AUTS2: variants seen among roughly 807,000 people sequenced by gnomAD.
AUTS2 encodes the protein autism susceptibility gene 2 protein.
Under a neutral mutation model 112.4 loss-of-function variants are expected in AUTS2, and 17 were observed. That is an observed-to-expected ratio of 0.15 (90% CI 0.10 to 0.23). The LOEUF (loss-of-function observed/expected upper bound fraction) is 0.23, where lower values mean the gene tolerates loss of function less well. AUTS2 is among the 10% of genes least tolerant of loss of function. The probability of loss-of-function intolerance (pLI) is 1.00; values close to 1 mark genes in which losing one functional copy is unlikely to be tolerated. For synonymous variants in AUTS2, 751 were observed against 702.7 expected, an observed-to-expected ratio of 1.07 and a Z score of -1.09; for missense variants, 1,510 against 1,701.6, an observed-to-expected ratio of 0.89 and a Z score of 1.98.
intron 4 of AUTS2, among the ~76,000 whole-genome samples, chr7:70,397,388 A>G (rs1585098174): frequency 6.6e-6 from 1 of 152,022 alleles, no homozygotes; most frequent in South Asian, 2.1e-4. Flanking sequence ...TCTAATACAC[A>G]TGCACTAGTG....
Position 70,663,177 on chromosome 7 carries a change from T to C in AUTS2, c.691-35392T>C, listed in dbSNP as rs541768636. 5.9e-5 allele frequency among the ~76,000 whole-genome samples: 9 copies of C among 152,232 alleles called. No individual in the cohort carries two copies. The South Asian group carries it at 1.7e-3, about 28-fold the overall frequency. ...TGGGAGGCCGAGGCAGGCGGATCAC[T>C]TGAGGCCAGGAGTTTGAGACCAGCC... On this transcript the variant is annotated intron_variant, in intron 5 of 18. Transcript: ENST00000342771.
intron 4 of AUTS2, among the ~76,000 whole-genome samples, chr7:70,245,090 A>G (rs1812828261): frequency 6.9e-6 from 1 of 145,736 alleles, no homozygotes; most frequent in African/African-American, 2.6e-5. Context: ...ACTGCACTCC[A>G]GCCTGGGTGA....
At chr7:70,772,106 C>T (rs1000096948) in intron 11 of AUTS2, among the ~76,000 whole-genome samples, 1 of 152,138 alleles carries the variant, frequency 6.6e-6, no homozygotes, top group Non-Finnish European at 1.5e-5. Flanking sequence ...TTCTCATTCT[C>T]CCTCATTTCC....
chr7:70,076,659 A>G (rs979379125), intron 2 of AUTS2, among the ~76,000 whole-genome samples: 11 of 152,214 alleles, frequency 7.2e-5, no homozygotes, highest in Admixed American at 5.9e-4. Context: ...AAATGTGTGG[A>G]TAGCCTGATG....
At chr7:69,683,470 CTT>C (rs909900318) in intron 1 of AUTS2, among the ~76,000 whole-genome samples, 3 of 152,256 alleles carry the variant, frequency 2.0e-5, no homozygotes, top group African/African-American at 7.2e-5. Context: ...ACCGAGGACT[CTT>C]TTACCCTCTC....
chr7:69,735,129 A>C (rs1786970952), intron 1 of AUTS2, among the ~76,000 whole-genome samples: 1 of 152,206 alleles, frequency 6.6e-6, no homozygotes, highest in South Asian at 2.1e-4. Flanking sequence ...CAGTCTGATT[A>C]TGTGAGATGT....
At chr7:70,616,280 A>G (rs1003530366) in intron 5 of AUTS2, among the ~76,000 whole-genome samples, 1 of 152,182 alleles carries the variant, frequency 6.6e-6, no homozygotes, top group Non-Finnish European at 1.5e-5. Flanking sequence ...TGCAGTTGGG[A>G]AGCATGCTCA....
chr7:69,675,643 A>G lies in AUTS2; in HGVS notation c.309+75681A>G, dbSNP rs563197418. Among the ~76,000 whole-genome samples, 8 of 151,030 alleles carry G rather than the reference A, an allele frequency of 5.3e-5. No homozygotes were observed. In the East Asian group the frequency reaches 1.4e-3, roughly 26 times the overall value. On this transcript the variant is annotated intron_variant, in intron 1 of 18. Coordinates refer to ENST00000342771, the MANE Select transcript of AUTS2 (RefSeq NM_015570.4). The stretch of plus-strand genomic sequence containing the variant: ...TGCCTTAGCCTCCCAAGAAACTGGG[A>G]TTACAGGTGTGCGCCACCACACCTG...
chr7:70,050,875 G>C (rs1801720404), intron 2 of AUTS2, among the ~76,000 whole-genome samples: 1 of 152,118 alleles, frequency 6.6e-6, no homozygotes, highest in Non-Finnish European at 1.5e-5. Context: ...TGCTCCTGTA[G>C]TCCCAGCTAC....
intron 2 of AUTS2, among the ~76,000 whole-genome samples, chr7:70,100,801 G>A (rs1265656942): frequency 6.6e-6 from 1 of 152,176 alleles, no homozygotes; most frequent in Non-Finnish European, 1.5e-5. Context: ...ATAGGAATAT[G>A]AGGTGTGGAA....
chr7:70,318,743 C>T (rs1490060576), intron 4 of AUTS2, among the ~76,000 whole-genome samples: 1 of 152,150 alleles, frequency 6.6e-6, no homozygotes, highest in Non-Finnish European at 1.5e-5. Flanking sequence ...CCAAGAATTT[C>T]AGAAGGCACT....
chr7:70,590,267 C>T (rs1178780183), intron 5 of AUTS2, among the ~76,000 whole-genome samples: 2 of 152,008 alleles, frequency 1.3e-5, no homozygotes, highest in Admixed American at 6.6e-5. Context: ...TGACAACCTG[C>T]GAGGAGAGAA....
intron 2 of AUTS2, among the ~76,000 whole-genome samples, chr7:70,051,819 A>T (rs575159148): frequency 1.3e-5 from 2 of 152,344 alleles, no homozygotes; most frequent in South Asian, 4.1e-4. Flanking sequence ...GGAGTAGTTT[A>T]ATACTACTTT....
At chr7:70,661,449 G>A (rs994131268) in intron 5 of AUTS2, among the ~76,000 whole-genome samples, 1 of 152,186 alleles carries the variant, frequency 6.6e-6, no homozygotes, top group African/African-American at 2.4e-5. Flanking sequence ...CAGGGTGGGA[G>A]GAGGGTGGCA....
chr7:70,327,592 C>G (rs1790550175), intron 4 of AUTS2, among the ~76,000 whole-genome samples: 2 of 152,100 alleles, frequency 1.3e-5, no homozygotes, highest in Non-Finnish European at 2.9e-5. Context: ...ACCTCTGATT[C>G]TTTATTTGAC....
At chr7:69,646,545 GCAAATATGGTTATAC>G (rs1795028521) in intron 1 of AUTS2, among the ~76,000 whole-genome samples, 1 of 152,178 alleles carries the variant, frequency 6.6e-6, no homozygotes, top group Non-Finnish European at 1.5e-5. Context: ...TTAGCTCTTT[GCAAATATGGTTATAC>G]CAAACCAGGC....
At chr7:70,378,986 T>A (rs1186985911) in intron 4 of AUTS2, among the ~76,000 whole-genome samples, 1 of 152,196 alleles carries the variant, frequency 6.6e-6, no homozygotes, top group Non-Finnish European at 1.5e-5. Context: ...CATATGCCAT[T>A]TTATTCGTAT....
intron 6 of AUTS2, among the ~76,000 whole-genome samples, chr7:70,749,237 G>T (rs775131454): frequency 1.3e-5 from 2 of 152,148 alleles, no homozygotes; most frequent in Non-Finnish European, 2.9e-5. Context: ...AGAAGGATCC[G>T]CAGCCTTATG....
intron 1 of AUTS2, among the ~76,000 whole-genome samples, chr7:69,857,852 A>G (rs1239619759): frequency 1.3e-5 from 2 of 152,104 alleles, no homozygotes; most frequent in Non-Finnish European, 2.9e-5. Flanking sequence ...TTGGTGATGA[A>G]TAACACCTGT....
Sources: allele counts gnomAD v4.1 joint callset (sites outside exome capture counted in the v4.1 genomes callset), GRCh38; gene constraint gnomAD v4.1.1; transcripts MANE v1.5; gene names NCBI Gene and HGNC (gene_info 2026-07-23, HGNC 2026-07-21).